ZNF451: variants seen among roughly 807,000 people sequenced by gnomAD.
ZNF451 encodes zinc finger protein 451, also known as E3 SUMO-protein ligase ZNF451.
In ZNF451, 80 loss-of-function variants were observed where a neutral mutation model predicts 107.1. That is an observed-to-expected ratio of 0.75 (90% CI 0.62 to 0.90). The LOEUF (loss-of-function observed/expected upper bound fraction) is 0.90, where lower values mean the gene tolerates loss of function less well. ZNF451 is among the 40% of genes least tolerant of loss of function. The pLI, the probability that ZNF451 is intolerant of heterozygous loss-of-function variation, is 0.00. For missense variants in ZNF451, 1,107 were observed against 1,236.2 expected (o/e 0.90, Z 1.57); for synonymous variants, 362 against 406.5 (o/e 0.89, Z 1.32).
intron 13 of ZNF451, among the ~76,000 whole-genome samples, chr6:57,160,354 A>G (rs2127987347): frequency 6.7e-6 from 1 of 149,012 alleles, no homozygotes. Context: ...TTCATTTGAG[A>G]CAGGGTCCCA....
intron 3 of ZNF451, chr6:57,105,643 G>C: frequency 1.0e-6 from 1 of 985,298 alleles, no homozygotes; most frequent in Non-Finnish European, 1.2e-6. Flanking sequence ...TTTGTTATTA[G>C]TGAGTGGCTA....
At chr6:57,125,099 A>G (rs1304701021) in intron 4 of ZNF451, among the ~76,000 whole-genome samples, 1 of 152,158 alleles carries the variant, frequency 6.6e-6, no homozygotes, top group East Asian at 1.9e-4. Flanking sequence ...CATTTTTGAG[A>G]ATTAAAAATC....
intron 3 of ZNF451, chr6:57,109,407 C>T (rs1358869085): frequency 1.0e-6 from 1 of 985,232 alleles, no homozygotes; most frequent in Non-Finnish European, 1.2e-6. Context: ...TGACCCTCAG[C>T]ATTAGCAAGT....
intron 2 of ZNF451, among the ~76,000 whole-genome samples, chr6:57,097,087 A>G: frequency 6.6e-6 from 1 of 152,064 alleles, no homozygotes. Flanking sequence ...TTCATACCAG[A>G]TGTAGATTTT....
intron 3 of ZNF451, chr6:57,103,422 C>T (rs548118607): frequency 1.0e-6 from 1 of 985,328 alleles, no homozygotes; most frequent in South Asian, 4.7e-5. Context: ...TATCTTTTTG[C>T]TCCCAATTGG....
At chr6:57,157,387 G>A in intron 13 of ZNF451, among the ~76,000 whole-genome samples, 1 of 152,018 alleles carries the variant, frequency 6.6e-6, no homozygotes, top group Non-Finnish European at 1.5e-5. Context: ...ACAGATATTT[G>A]GAGTTCCTGG....
intron 13 of ZNF451, among the ~76,000 whole-genome samples, chr6:57,157,265 T>C (rs1763471559): frequency 6.6e-6 from 1 of 152,180 alleles, no homozygotes; most frequent in African/African-American, 2.4e-5. Context: ...GAAGGATCTT[T>C]TGAATATTGT....
intron 13 of ZNF451, chr6:57,158,955 A>T (rs147361203): frequency 2.0e-6 from 2 of 985,330 alleles, no homozygotes; most frequent in African/African-American, 1.7e-5. Flanking sequence ...CCTAGGTGCT[A>T]TGGAAGTGTA....
chr6:57,135,790 T>C (rs1360105326), intron 7 of ZNF451, among the ~76,000 whole-genome samples: 3 of 152,154 alleles, frequency 2.0e-5, no homozygotes, highest in African/African-American at 7.2e-5. Context: ...TTCTGTTAAC[T>C]AAAAACCTTT....
intron 13 of ZNF451, among the ~76,000 whole-genome samples, chr6:57,155,718 C>T (rs906719919): frequency 2.0e-5 from 3 of 151,502 alleles, no homozygotes; most frequent in African/African-American, 7.3e-5. Context: ...GAGGTGAATA[C>T]GAGTAGACTT....
chr6:57,147,871 TC>T lies in ZNF451; in HGVS notation c.1790del (p.Pro597ArgfsTer25). On this transcript the variant is annotated frameshift_variant, in exon 10 of 15. Coordinates refer to ENST00000370706, the MANE Select transcript of ZNF451 (RefSeq NM_001031623.3). LOFTEE classifies it high-confidence loss of function. ...ATCAGCTATTACTGTTATTGATCAT[TC>T]CCCGGCAAATAGTTCTCCGAGGGGT... The part of the protein sequence containing the change: ...PSSAITVIDH[S>X]PANSSPRGKW... 6.2e-7 allele frequency: 1 copy of T among 1,614,078 alleles called. No individual in the cohort carries two copies. The highest frequency in any genetic ancestry group is 8.5e-7 in the Non-Finnish European group (1 of 1,179,980).
intron 13 of ZNF451, chr6:57,160,873 A>G: frequency 2.4e-6 from 1 of 413,332 alleles, no homozygotes; most frequent in East Asian, 3.8e-5. Context: ...ATAGAGATGA[A>G]TGCATATGAT....
Position 57,128,751 on chromosome 6 carries a change from C to T in ZNF451, c.335C>T (p.Ala112Val). Residue 112 changes from alanine (A) to valine (V), a missense_variant, in exon 5 of 15, where the codon GCT becomes GTT. Ala to Val is a moderately conservative substitution (Grantham distance 64). Around this residue, in one of 5 missense-constraint regions of ZNF451, gnomAD observed 339 missense variants for 372.8 expected, o/e 0.91. Transcript: ENST00000370706. The stretch of plus-strand genomic sequence containing the variant: ...CAGGAAAAAATTGATTTTCAGCATG[C>T]TCATGGGTTACAAGAATTGGAATTT... Reference protein sequence around the residue: ...AFREKIDFQHAHGLQELEFIR... With the variant: ...AFREKIDFQHVHGLQELEFIR... 1 of 1,611,598 alleles carries T rather than the reference C, an allele frequency of 6.2e-7. No individual in the cohort carries two copies. The highest frequency in any genetic ancestry group is 8.5e-7 in the Non-Finnish European group (1 of 1,178,704).
rs546521290 is a variant in ZNF451, at chr6:57,095,807, T to G, written c.106-3254T>G. 9.9e-5 allele frequency among the ~76,000 whole-genome samples: 15 copies of G among 151,144 alleles called. No homozygotes were observed. The East Asian group carries it at 2.9e-3, about 29-fold the overall frequency. Reference sequence around the variant, plus strand: ...CTTCCCTTTAAATATTACTGCAGCTTTTTTTTTTTGTTGTTGTTGTTGTTG... The same window carrying G: ...CTTCCCTTTAAATATTACTGCAGCTGTTTTTTTTTGTTGTTGTTGTTGTTG... On this transcript the variant is annotated intron_variant, in intron 2 of 14. Coordinates refer to ENST00000370706, the MANE Select transcript of ZNF451 (RefSeq NM_001031623.3).
chr6:57,144,309 C>T (rs1219409913), intron 9 of ZNF451, among the ~76,000 whole-genome samples: 6 of 143,094 alleles, frequency 4.2e-5, no homozygotes, highest in African/African-American at 7.9e-5. Flanking sequence ...GGTGCAATCT[C>T]GGCTCACTGC....
Position 57,104,718 on chromosome 6 carries a change from G to T in ZNF451, c.186+5577G>T, listed in dbSNP as rs556995387. ...GCAGCTCCTCCATTCTTAAATATTT[G>T]TAAGATGATGTTGCTGTTCTCTTTT... On this transcript the variant is annotated intron_variant, in intron 3 of 14. Transcript: ENST00000370706. 2,488 of 985,300 alleles carry T rather than the reference G, an allele frequency of 2.5e-3. 8 individuals are homozygous for T. Among genetic ancestry groups the T allele is most frequent in the South Asian group, 3.5e-3 (74 of 21,292 alleles). 61.0% of individuals were successfully genotyped at this position (985,300 alleles called of 1,614,324 possible). A position where few individuals can be genotyped will look rare whatever the true frequency, so the allele number is the denominator to read the frequency against.
chr6:57,141,872 A>C (rs1831780695), intron 8 of ZNF451, 76 bp from the exon 9 acceptor site: 1 of 1,291,456 alleles, frequency 7.7e-7, no homozygotes, highest in South Asian at 1.5e-5. Context: ...TAATGTTGAG[A>C]AGGGCTGAGG....
intron 3 of ZNF451, among the ~76,000 whole-genome samples, chr6:57,112,528 T>C (rs1353637748): frequency 2.0e-5 from 3 of 152,186 alleles, no homozygotes; most frequent in African/African-American, 7.2e-5. Flanking sequence ...TGCCTTGGAT[T>C]GTTTTGTGTA....
chr6:57,113,250 G>T (rs1830192783), intron 3 of ZNF451, among the ~76,000 whole-genome samples: 1 of 150,938 alleles, frequency 6.6e-6, no homozygotes, highest in Non-Finnish European at 1.5e-5. Context: ...TTGGTTTTCT[G>T]TTCCTGTGTT....
Sources: gnomAD v4.1 joint callset for allele counts (sites outside exome capture counted in the v4.1 genomes callset) on GRCh38, gnomAD v4.1.1 for gene constraint, gnomAD v4.1.1 regional missense constraint, MANE v1.5 for transcripts, NCBI Gene and HGNC (gene_info 2026-07-23, HGNC 2026-07-21) for gene names.